GSN: variants seen among roughly 807,000 people sequenced by gnomAD.
The protein encoded by GSN is gelsolin.
In GSN, 56 loss-of-function variants were observed where a neutral mutation model predicts 85.7. The observed-to-expected ratio is 0.65, with a 90% CI of 0.53 to 0.82. The LOEUF is 0.82. Among genes scored for constraint, GSN ranks in the 40% least tolerant of loss-of-function variants. GSN has a pLI of 0.00. For missense variants in GSN, 857 were observed against 979.8 expected (o/e 0.87, Z 1.67); for synonymous variants, 373 against 399.1 (o/e 0.93, Z 0.78).
At position 121,261,563 on chromosome 9, in the gene GSN, CTG is replaced by C. The variant is rs540676432; in HGVS notation, c.-340-3590_-340-3589del. 3.5e-4 allele frequency among the ~76,000 whole-genome samples: 53 copies of C among 152,238 alleles called. No individual in the cohort carries two copies. Among genetic ancestry groups the C allele is most frequent in the Non-Finnish European group, 7.5e-4 (51 of 68,036 alleles). On this transcript the variant is annotated intron_variant, in intron 6 of 24. Coordinates refer to the GSN transcript ENST00000373823. This position sits in a 1 kb window ranked among gnomAD's most constrained non-coding sequence, Gnocchi z 4.1. ...AACTGGGAGTGAGAGTAGTTCCAAT[CTG>C]AGAAATTTTCGTCAGCTTTGGAGGA...
chr9:121,281,441 G>A, intron 1 of GSN, 29 bp from the exon 2 acceptor site: 1 of 372,376 alleles, frequency 2.7e-6, no homozygotes, highest in South Asian at 2.1e-5. Flanking sequence ...CTCCCCCTGA[G>A]GCTGACATTC....
chr9:121,247,113 T>G (rs1432731811), intron 5 of GSN, among the ~76,000 whole-genome samples: 1 of 151,628 alleles, frequency 6.6e-6, no homozygotes, highest in African/African-American at 2.4e-5. Context: ...TGAATTTTGG[T>G]TGACTGCGGA....
At chr9:121,273,280 A>G (rs1396785580) in intron 1 of GSN, among the ~76,000 whole-genome samples, 2 of 152,188 alleles carry the variant, frequency 1.3e-5, no homozygotes, top group Non-Finnish European at 2.9e-5. Flanking sequence ...TTATTTGCCA[A>G]GCAAAGTATA....
rs1433707127 is a variant in GSN, at chr9:121,299,331, C to T, written c.-9-2632C>T. The stretch of plus-strand genomic sequence containing the variant: ...TGCCTGGTGGGGGTTCTGCCCAGGC[C>T]CACTACGGCCTGAGTTCAAATCCCG... On this transcript the variant is annotated intron_variant, in intron 2 of 17. Coordinates refer to ENST00000432226, the MANE Select transcript of GSN (RefSeq NM_198252.3). This position sits in a 1 kb window ranked among gnomAD's most constrained non-coding sequence, Gnocchi z 4.2. 1.0e-6 allele frequency: 1 copy of T among 983,968 alleles called. No individual in the cohort carries two copies. Among genetic ancestry groups the T allele is most frequent in the Non-Finnish European group, 1.2e-6 (1 of 828,746 alleles). The allele number at this position is 983,968 out of a possible 1,614,324, so 61.0% of individuals were successfully genotyped here.
rs545455681 is a variant in GSN at position 121,312,207 on chromosome 9, G to C, written c.514-132G>C. ...CGTAAATAATGCACGTGTGCAGACT[G>C]TGCCAGCCTTCACCTGGGCAAGTGC... On this transcript the variant is annotated intron_variant, in intron 5 of 17. Transcript: ENST00000432226. 5.6e-6 allele frequency: 5 copies of C among 896,214 alleles called. No homozygotes were observed. The South Asian group carries it at 6.9e-5, about 12-fold the overall frequency. 55.5% of individuals were successfully genotyped at this position (896,214 alleles called of 1,614,324 possible).
At chr9:121,274,738 C>G (rs1288815053) in intron 1 of GSN, among the ~76,000 whole-genome samples, 1 of 152,136 alleles carries the variant, frequency 6.6e-6, no homozygotes. Context: ...GATATTCTTG[C>G]TAAACCGACC....
At chr9:121,214,663 G>C (rs2054027275) in intron 4 of GSN, among the ~76,000 whole-genome samples, 1 of 152,186 alleles carries the variant, frequency 6.6e-6, no homozygotes, top group East Asian at 1.9e-4. Context: ...CATTTCTCCT[G>C]AGTTATCCTA....
intron 4 of GSN, chr9:121,309,109 C>T (rs918483621): frequency 6.6e-6 from 1 of 152,268 alleles, no homozygotes; most frequent in African/African-American, 2.4e-5. Context: ...CCAGCCTTGG[C>T]TTGGCCACGC....
intron 6 of GSN, among the ~76,000 whole-genome samples, chr9:121,251,463 C>G (rs1030372913): frequency 5.3e-5 from 8 of 151,830 alleles, no homozygotes; most frequent in African/African-American, 1.9e-4. Context: ...TCCCAAAGTG[C>G]TAGGATTATA....
Position 121,317,191 on chromosome 9 carries a change from A to C in GSN, c.859A>C (p.Lys287Gln). ...SEDCFILDHGKDGKIFVWKGK... is the reference protein window; with the variant it reads ...SEDCFILDHGQDGKIFVWKGK... Reference sequence around the variant, plus strand: ...GGACTGCTTCATCCTGGACCACGGCAAAGATGGGAAAATCTTTGTCTGGAA... The same window carrying C: ...GGACTGCTTCATCCTGGACCACGGCCAAGATGGGAAAATCTTTGTCTGGAA... The change falls in exon 8 of 18, where the codon AAA becomes CAA. Residue 287 changes from lysine to glutamine, a missense_variant. Coordinates refer to ENST00000432226, the MANE Select transcript of GSN (RefSeq NM_198252.3). 6.2e-7 allele frequency: 1 copy of C among 1,614,196 alleles called. No homozygotes were observed. Among genetic ancestry groups the C allele is most frequent in the East Asian group, 2.2e-5 (1 of 44,880 alleles).
At chr9:121,232,996 C>A (rs1174095803) in intron 5 of GSN, among the ~76,000 whole-genome samples, 2 of 152,218 alleles carry the variant, frequency 1.3e-5, no homozygotes, top group Admixed American at 1.3e-4. Context: ...TTCCCTATCA[C>A]TTCTCTGTTG....
chr9:121,214,410 G>C (rs1217730004), intron 4 of GSN, among the ~76,000 whole-genome samples: 2 of 152,056 alleles, frequency 1.3e-5, no homozygotes, highest in Non-Finnish European at 2.9e-5. Context: ...CTGAGTCTCA[G>C]TGTTCTTGTC....
the GSN span, among the ~76,000 whole-genome samples, chr9:121,202,419 C>CA: frequency 1.5e-3 from 225 of 152,314 alleles, 1 homozygote; most frequent in Non-Finnish European, 1.7e-3. Context: ...AACTGAGGCT[C>CA]AGGTTGGTCA....
chr9:121,205,946 G>C (rs1406273515), upstream of GSN, among the ~76,000 whole-genome samples: 3 of 151,612 alleles, frequency 2.0e-5, no homozygotes, highest in Admixed American at 6.6e-5. Context: ...TCTTATGCTT[G>C]TGAATTTTGG....
rs796446570 is a variant in GSN, at chr9:121,302,351, CT to C, written c.196+185del. On this transcript the variant is annotated intron_variant, in intron 3 of 17. Coordinates refer to ENST00000432226, the MANE Select transcript of GSN (RefSeq NM_198252.3). ...CCAAGTTCACACCCCCACTCTGCCC[CT>C]AACCCATGTTCTGTCCTTTGGCAAG... Among the ~76,000 whole-genome samples the C allele has an allele frequency of 8.5e-5, 13 of 152,336 alleles. No homozygotes were observed. In the South Asian group the frequency reaches 2.3e-3, roughly 27 times the overall value.
At chr9:121,210,727 T>C (rs2053955518) in intron 3 of GSN, 1 of 152,220 alleles carries the variant, frequency 6.6e-6, no homozygotes, top group Non-Finnish European at 1.5e-5. Context: ...CCAGTATGAG[T>C]GCATTGGAAG....
At chr9:121,328,052 G>A (rs538917217) in intron 14 of GSN, among the ~76,000 whole-genome samples, 105 of 150,244 alleles carry the variant, frequency 7.0e-4, no homozygotes, top group African/African-American at 2.3e-3. Context: ...GCGGTCCCTC[G>A]CTAGGAAGCC....
At chr9:121,276,806 G>C (rs569796145) in intron 1 of GSN, among the ~76,000 whole-genome samples, 4 of 151,856 alleles carry the variant, frequency 2.6e-5, no homozygotes, top group South Asian at 2.1e-4. Flanking sequence ...GTGGGAGGAG[G>C]GGGGAGGGAT....
chr9:121,216,616 TC>T (rs1184583200), intron 4 of GSN, among the ~76,000 whole-genome samples: 1 of 152,218 alleles, frequency 6.6e-6, no homozygotes, highest in Non-Finnish European at 1.5e-5. Flanking sequence ...CCTTGTAATA[TC>T]CTCCTACCCC....
Sources: allele counts gnomAD v4.1 joint callset (sites outside exome capture counted in the v4.1 genomes callset), GRCh38; gene constraint gnomAD v4.1.1; non-coding constraint Gnocchi (gnomAD v3.1); transcripts MANE v1.5; gene names NCBI Gene and HGNC (gene_info 2026-07-23, HGNC 2026-07-21).